Variants in FMN2 observed in about 807,000 individuals in gnomAD.
The protein encoded by FMN2 is formin-2.
A neutral mutation model predicts 142.3 loss-of-function variants in FMN2; 51 were observed. That is an observed-to-expected ratio of 0.36 (90% CI 0.29 to 0.45). The LOEUF (loss-of-function observed/expected upper bound fraction) is 0.45. Ranked by LOEUF, FMN2 falls within the 20% of genes least tolerant of loss-of-function variation. The pLI is 1.00. For missense variants in FMN2, 1,936 were observed against 2,122.8 expected, an observed-to-expected ratio of 0.91 and a Z score of 1.73; for synonymous variants, 882 against 869.8, an observed-to-expected ratio of 1.01 and a Z score of -0.25.
chr1:240,458,329 A>G (rs1429789470), intron 16 of FMN2: 1 of 152,134 alleles, frequency 6.6e-6, no homozygotes, highest in East Asian at 1.9e-4. Context: ...CTCTTGCATA[A>G]TTGCAAATTA....
In FMN2 at chr1:240,218,209, G is replaced by A. The variant is rs146332676; in HGVS notation, c.4065+6974G>A. ...GATGCAGGAGGATTGCTTGAACCCA[G>A]GAGGTGGATGTTGCAGTGAGTCAAG... On this transcript the variant is annotated intron_variant, in intron 6 of 17. Transcript: ENST00000319653. Among the ~76,000 whole-genome samples, 282 of 141,668 alleles carry A rather than the reference G, an allele frequency of 2.0e-3. 1 individual carries two copies. Among genetic ancestry groups the A allele is most frequent in the African/African-American group, 6.9e-3 (262 of 37,960 alleles). The allele number at this position is 141,668 out of a possible 152,430, so 92.9% of individuals were successfully genotyped here.
chr1:240,144,442 C>T, intron 2 of FMN2: 3 of 1,591,398 alleles, frequency 1.9e-6, no homozygotes, highest in Non-Finnish European at 2.6e-6. Flanking sequence ...GCTCATACTC[C>T]TTGACATCTT....
At chr1:240,370,882 T>G (rs576798859) in intron 14 of FMN2, among the ~76,000 whole-genome samples, 3 of 152,322 alleles carry the variant, frequency 2.0e-5, no homozygotes, top group South Asian at 2.1e-4. Context: ...TCATTAAAAT[T>G]TATGTTTAAA....
chr1:240,450,036 A>G (rs1675956026), intron 16 of FMN2, among the ~76,000 whole-genome samples: 1 of 152,088 alleles, frequency 6.6e-6, no homozygotes, highest in Non-Finnish European at 1.5e-5. Context: ...TCAAAGTTAT[A>G]AGTATTCTTT....
chr1:240,144,449 T>C, intron 2 of FMN2: 1 of 1,585,696 alleles, frequency 6.3e-7, no homozygotes, highest in Non-Finnish European at 8.7e-7. Context: ...CTCCTTGACA[T>C]CTTCACTCAG....
At chr1:240,273,006 C>T (rs1203278575) in intron 7 of FMN2, among the ~76,000 whole-genome samples, 3 of 149,624 alleles carry the variant, frequency 2.0e-5, no homozygotes, top group African/African-American at 5.0e-5. Flanking sequence ...GTCACTTCTC[C>T]GATAGATTAT....
At chr1:240,349,314 A>G (rs1672015984) in intron 13 of FMN2, among the ~76,000 whole-genome samples, 1 of 152,206 alleles carries the variant, frequency 6.6e-6, no homozygotes, top group Non-Finnish European at 1.5e-5. Context: ...AAGCTTTCTG[A>G]TCTGATTACA....
At chr1:240,447,008 C>G (rs1053888838) in intron 16 of FMN2, among the ~76,000 whole-genome samples, 4 of 152,148 alleles carry the variant, frequency 2.6e-5, no homozygotes, top group South Asian at 2.1e-4. Flanking sequence ...AATGGATAAT[C>G]AAAGACTATT....
chr1:240,095,622 A>G (rs1198535737), intron 1 of FMN2, among the ~76,000 whole-genome samples: 2 of 152,038 alleles, frequency 1.3e-5, no homozygotes, highest in African/African-American at 4.8e-5. Context: ...AACATCACGG[A>G]TGCAGTGGCT....
chr1:240,434,861 T>TTG (rs1675312011), intron 15 of FMN2, among the ~76,000 whole-genome samples: 1 of 151,816 alleles, frequency 6.6e-6, no homozygotes, highest in Admixed American at 6.6e-5. Context: ...TGCTTGTTTT[T>TTG]TTTTTTAAAG....
At chr1:240,190,544 G>A (rs748731440) in intron 4 of FMN2, among the ~76,000 whole-genome samples, 28 of 152,074 alleles carry the variant, frequency 1.8e-4, no homozygotes, top group Non-Finnish European at 4.4e-5. Flanking sequence ...ATCCTTTAAA[G>A]TAACTATTAT....
chr1:240,325,746 G>A (rs537030521), intron 8 of FMN2, among the ~76,000 whole-genome samples: 1 of 152,196 alleles, frequency 6.6e-6, no homozygotes, highest in Non-Finnish European at 1.5e-5. Context: ...CATGTTTTTT[G>A]CACTGTTGTG....
intron 15 of FMN2, among the ~76,000 whole-genome samples, chr1:240,403,506 C>T (rs1180664922): frequency 6.6e-6 from 1 of 152,000 alleles, no homozygotes; most frequent in Non-Finnish European, 1.5e-5. Context: ...TGGTGACAGG[C>T]GCCTGTAATC....
chr1:240,400,428 CAT>C (rs1673937604), intron 15 of FMN2, among the ~76,000 whole-genome samples: 1 of 152,234 alleles, frequency 6.6e-6, no homozygotes. Flanking sequence ...TATATTCCTT[CAT>C]ATAGTCTGTC....
intron 7 of FMN2, among the ~76,000 whole-genome samples, chr1:240,275,080 GT>G (rs202193888): frequency 0.32 from 45,266 of 140,860 alleles, 7,622 homozygotes; most frequent in African/African-American, 0.47. Flanking sequence ...TTTTTTTTAA[GT>G]TTTTTTTTTT....
At chr1:240,434,548 G>GTT (rs1558103970) in intron 15 of FMN2, among the ~76,000 whole-genome samples, 3 of 103,116 alleles carry the variant, frequency 2.9e-5, no homozygotes, top group Non-Finnish European at 7.2e-5. Flanking sequence ...TTTGTTTTTT[G>GTT]TTTTTTGTTT....
intron 7 of FMN2, among the ~76,000 whole-genome samples, chr1:240,267,023 G>A (rs1341374968): frequency 1.3e-5 from 2 of 152,002 alleles, no homozygotes; most frequent in African/African-American, 2.4e-5. Flanking sequence ...ATACCATTCG[G>A]GATATTGGCT....
At chr1:240,219,090 T>C (rs1271900483) in intron 6 of FMN2, among the ~76,000 whole-genome samples, 1 of 152,198 alleles carries the variant, frequency 6.6e-6, no homozygotes, top group Non-Finnish European at 1.5e-5. Flanking sequence ...TCCGTGCAGC[T>C]CATTTAGCAG....
chr1:240,223,967 C>T (rs1263507561), intron 6 of FMN2, among the ~76,000 whole-genome samples: 1 of 151,756 alleles, frequency 6.6e-6, no homozygotes, highest in East Asian at 1.9e-4. Context: ...AAGGGCTTTC[C>T]ATGTCTCTAT....
Sources: allele counts gnomAD v4.1 joint callset (sites outside exome capture counted in the v4.1 genomes callset), GRCh38; gene constraint gnomAD v4.1.1; transcripts MANE v1.5; gene names NCBI Gene and HGNC (gene_info 2026-07-23, HGNC 2026-07-21).